Variants in TASP1 observed in about 807,000 individuals in gnomAD.
TASP1 encodes threonine aspartase 1.
A neutral mutation model predicts 56.6 loss-of-function variants in TASP1; 16 were observed. The ratio of observed to expected loss-of-function variants is 0.28; its 90% CI spans 0.19 to 0.43. The LOEUF (loss-of-function observed/expected upper bound fraction) is 0.43, where lower values mean the gene tolerates loss of function less well. Ranked by LOEUF, TASP1 falls within the 20% of genes least tolerant of loss-of-function variation. The pLI is 1.00. For missense variants in TASP1, 393 were observed against 511.6 expected (o/e 0.77, Z 2.24); for synonymous variants, 179 against 184.2 (o/e 0.97, Z 0.23).
the TASP1 span, among the ~76,000 whole-genome samples, chr20:13,284,825 T>A: frequency 0.042 from 6,369 of 152,050 alleles, 404 homozygotes; most frequent in African/African-American, 0.14. Context: ...ATGAAAAAAA[T>A]GTTTGGAAAT....
chr20:13,506,388 T>C (rs1230680148), intron 10 of TASP1, among the ~76,000 whole-genome samples: 2 of 152,192 alleles, frequency 1.3e-5, no homozygotes, highest in African/African-American at 4.8e-5. Flanking sequence ...TCCAAACTCA[T>C]TTTACAAGAG....
At chr20:13,393,571 C>A (rs1307781336) in intron 13 of TASP1, 2 of 863,332 alleles carry the variant, frequency 2.3e-6, no homozygotes, top group South Asian at 2.6e-5. Context: ...GCTGGCAATG[C>A]CCTCAACAAC....
intron 10 of TASP1, among the ~76,000 whole-genome samples, chr20:13,519,126 T>C (rs2044641886): frequency 1.3e-5 from 2 of 152,028 alleles, no homozygotes; most frequent in Non-Finnish European, 2.9e-5. Flanking sequence ...AGCTACACAT[T>C]GGGTACACAT....
chr20:13,311,894 A>G, the TASP1 span, among the ~76,000 whole-genome samples: 1 of 152,200 alleles, frequency 6.6e-6, no homozygotes, highest in Non-Finnish European at 1.5e-5. Flanking sequence ...GTAGTTAATA[A>G]TCTATTACAT....
the TASP1 span, among the ~76,000 whole-genome samples, chr20:13,287,913 T>C: frequency 6.6e-6 from 1 of 152,304 alleles, no homozygotes; most frequent in Non-Finnish European, 1.5e-5. Context: ...ACTGGGTAGG[T>C]ACTCTGCTCC....
chr20:13,502,448 A>G (rs1015695756), intron 10 of TASP1, among the ~76,000 whole-genome samples: 5 of 152,228 alleles, frequency 3.3e-5, no homozygotes, highest in Admixed American at 2.0e-4. Flanking sequence ...TAGTAAAAGA[A>G]GTAAAACACA....
At chr20:13,617,239 T>C (rs578234395) in intron 4 of TASP1, 1 of 220,468 alleles carries the variant, frequency 4.5e-6, no homozygotes, top group Admixed American at 5.7e-5. Flanking sequence ...CAAAATAGGG[T>C]CTTTGAAATA....
chr20:13,301,665 G>A, the TASP1 span, among the ~76,000 whole-genome samples: 1 of 152,094 alleles, frequency 6.6e-6, no homozygotes, highest in Non-Finnish European at 1.5e-5. Context: ...CGTGTATCAG[G>A]CATATAGATT....
chr20:13,412,712 T>C (rs1389587317), intron 13 of TASP1, among the ~76,000 whole-genome samples: 2 of 152,146 alleles, frequency 1.3e-5, no homozygotes, highest in Admixed American at 1.3e-4. Flanking sequence ...CTGGAAACCA[T>C]CTTCATGAAG....
At chr20:13,193,017 G>C in the TASP1 span, among the ~76,000 whole-genome samples, 2 of 152,078 alleles carry the variant, frequency 1.3e-5, no homozygotes, top group Non-Finnish European at 2.9e-5. Flanking sequence ...GTGTTATAAT[G>C]TTATTTAAAC....
the TASP1 span, among the ~76,000 whole-genome samples, chr20:13,169,651 T>C: frequency 6.6e-6 from 1 of 152,222 alleles, no homozygotes; most frequent in Non-Finnish European, 1.5e-5. Context: ...CTGTGATTTA[T>C]TATTTTTTAA....
the TASP1 span, among the ~76,000 whole-genome samples, chr20:13,224,076 A>G: frequency 6.6e-6 from 1 of 151,998 alleles, no homozygotes. Flanking sequence ...CAAATGGGGG[A>G]TTTAGAAAGA....
chr20:13,219,037 AG>A, the TASP1 span, among the ~76,000 whole-genome samples: 5 of 152,232 alleles, frequency 3.3e-5, no homozygotes, highest in Admixed American at 3.3e-4. Flanking sequence ...AGTTTTTTAA[AG>A]GTCATTTTTG....
chr20:13,421,181 C>A (rs1489019940), intron 12 of TASP1, among the ~76,000 whole-genome samples: 2 of 146,430 alleles, frequency 1.4e-5, no homozygotes, highest in East Asian at 4.1e-4. Flanking sequence ...GGCACAATCT[C>A]AGCTCACTAC....
intron 12 of TASP1, among the ~76,000 whole-genome samples, chr20:13,433,363 T>C (rs896090107): frequency 1.3e-5 from 2 of 152,104 alleles, no homozygotes; most frequent in East Asian, 1.9e-4. Flanking sequence ...GGTTTAACTA[T>C]CTAACTGGAA....
the TASP1 span, among the ~76,000 whole-genome samples, chr20:13,341,117 G>A: frequency 3.1e-4 from 47 of 152,260 alleles, no homozygotes; most frequent in Middle Eastern, 6.8e-3. Context: ...CACATTGAGA[G>A]CAAAATTCAT....
the TASP1 span, among the ~76,000 whole-genome samples, chr20:13,208,018 C>CTATTTATATAGT: frequency 1.3e-5 from 2 of 152,048 alleles, no homozygotes; most frequent in Non-Finnish European, 2.9e-5. Flanking sequence ...AACTTATACC[C>CTATTTATATAGT]TATTTATATA....
chr20:13,275,175 T>C, the TASP1 span, among the ~76,000 whole-genome samples: 3 of 152,078 alleles, frequency 2.0e-5, no homozygotes, highest in Non-Finnish European at 4.4e-5. Flanking sequence ...AACCCATATA[T>C]TTATTTCTTT....
the TASP1 span, among the ~76,000 whole-genome samples, chr20:13,375,250 C>T: frequency 3.4e-4 from 50 of 148,398 alleles, no homozygotes; most frequent in African/African-American, 1.2e-3. Context: ...CACCCCCCAA[C>T]AGGCTCTGGT....
Sources: allele counts gnomAD v4.1 joint callset (sites outside exome capture counted in the v4.1 genomes callset), GRCh38; gene constraint gnomAD v4.1.1; transcripts MANE v1.5; gene names NCBI Gene and HGNC (gene_info 2026-07-23, HGNC 2026-07-21).